Variants in PRR11 observed in about 807,000 individuals in gnomAD.
PRR11 encodes proline rich 11.
PRR11 carries 30 observed loss-of-function variants against 45.6 expected under a neutral mutation model. That is an observed-to-expected ratio of 0.66 (90% CI 0.49 to 0.89). The LOEUF is 0.89. Among genes scored for constraint, PRR11 ranks in the 40% least tolerant of loss-of-function variants. The pLI is 0.00. For missense variants in PRR11, 373 were observed against 424.8 expected (o/e 0.88, Z 1.07); for synonymous variants, 128 against 153.5 (o/e 0.83, Z 1.23).
chr17:59,180,520 T>TTTTTTTTTG lies in PRR11; in HGVS notation c.129-4527_129-4526insTGTTTTTTT, dbSNP rs1436744341. Among the ~76,000 whole-genome samples, 22 of 87,120 alleles carry TTTTTTTTTG rather than the reference T, an allele frequency of 2.5e-4. No homozygotes were observed. The East Asian group carries it at 9.2e-3, about 37-fold the overall frequency. The allele number at this position is 87,120 out of a possible 152,430, so 57.2% of individuals were successfully genotyped here. A position where few individuals can be genotyped will look rare whatever the true frequency, so the allele number is the denominator to read the frequency against. ...TGTTTTTTTTTTTTTGTTTTTTTTG[T>TTTTTTTTTG]TTTTTTTGCCACAGGGTCTCAGTCT... is the stretch of plus-strand genomic sequence containing the variant. On this transcript the variant is annotated intron_variant, in intron 2 of 9. Coordinates refer to ENST00000262293, the MANE Select transcript of PRR11 (RefSeq NM_018304.4).
intron 2 of PRR11, among the ~76,000 whole-genome samples, chr17:59,177,899 GGAGGCT>G (rs1237142819): frequency 6.6e-6 from 1 of 152,136 alleles, no homozygotes; most frequent in African/African-American, 2.4e-5. Flanking sequence ...CAACTGCTCA[GGAGGCT>G]GAGGCAGGAT....
intron 9 of PRR11, among the ~76,000 whole-genome samples, chr17:59,199,092 A>G (rs1469906951): frequency 6.6e-6 from 1 of 152,172 alleles, no homozygotes; most frequent in Non-Finnish European, 1.5e-5. Context: ...ACATGGCAGT[A>G]TGTGCTATGA....
At chr17:59,201,435 G>A in intron 9 of PRR11, 128 bp from the exon 10 acceptor site, 4 of 894,654 alleles carry the variant, frequency 4.5e-6, no homozygotes, top group Non-Finnish European at 7.0e-6. Context: ...GGGAAACTGG[G>A]AAAAGTGGTT....
At chr17:59,193,145 A>G (rs1057016106) in intron 4 of PRR11, among the ~76,000 whole-genome samples, 19 of 152,280 alleles carry the variant, frequency 1.2e-4, no homozygotes, top group African/African-American at 4.3e-4. Flanking sequence ...TCCTGGGCTC[A>G]AGCAATTCGC....
Position 59,193,847 on chromosome 17 carries a change from G to A in PRR11, c.645+113G>A. ...GGCTAATCAGGGCTTGGGCCAGAAG[G>A]CTATATTTTGTTCTGATTCCGTATC... On this transcript the variant is annotated intron_variant, in intron 5 of 9. Coordinates refer to ENST00000262293, the MANE Select transcript of PRR11 (RefSeq NM_018304.4). 3 of 1,263,430 alleles carry A rather than the reference G, an allele frequency of 2.4e-6. No individual in the cohort carries two copies. The South Asian group carries it at 4.4e-5, about 18-fold the overall frequency. 78.3% of individuals were successfully genotyped at this position (1,263,430 alleles called of 1,614,324 possible).
At chr17:59,175,646 G>A (rs1476463087) in intron 2 of PRR11, among the ~76,000 whole-genome samples, 2 of 152,188 alleles carry the variant, frequency 1.3e-5, no homozygotes, top group Admixed American at 6.5e-5. Context: ...AGAGGCTGAG[G>A]CACAAGAATT....
At chr17:59,193,263 G>A (rs1406229982) in intron 4 of PRR11, among the ~76,000 whole-genome samples, 2 of 152,048 alleles carry the variant, frequency 1.3e-5, no homozygotes, top group East Asian at 3.9e-4. Context: ...AGCTCCATGA[G>A]GTGACACACA....
intron 1 of PRR11, among the ~76,000 whole-genome samples, chr17:59,162,488 A>G (rs2046658361): frequency 1.3e-5 from 2 of 152,160 alleles, no homozygotes; most frequent in South Asian, 2.1e-4. Context: ...ATACAATACA[A>G]GCCTTATTAG....
chr17:59,177,269 G>C (rs2046752898), intron 2 of PRR11: 1 of 547,672 alleles, frequency 1.8e-6, no homozygotes, highest in Non-Finnish European at 3.7e-6. Flanking sequence ...TGGAGAGAAA[G>C]GAACACAGAA....
At chr17:59,168,134 T>C (rs1273742534) in intron 1 of PRR11, among the ~76,000 whole-genome samples, 1 of 151,536 alleles carries the variant, frequency 6.6e-6, no homozygotes, top group African/African-American at 2.4e-5. Context: ...TCTGTTCTAC[T>C]AGGTAATGTT....
chr17:59,193,907 G>A (rs2046851714), intron 5 of PRR11, among the ~76,000 whole-genome samples, 173 bp downstream of exon 5: 1 of 152,172 alleles, frequency 6.6e-6, no homozygotes, highest in South Asian at 2.1e-4. Flanking sequence ...CAGTTCCTGA[G>A]AAATTCCTAG....
At chr17:59,190,132 A>C (rs2046834235) in intron 4 of PRR11, among the ~76,000 whole-genome samples, 1 of 152,164 alleles carries the variant, frequency 6.6e-6, no homozygotes, top group Non-Finnish European at 1.5e-5. Flanking sequence ...CTTATATTTT[A>C]ACCCCAAATC....
intron 1 of PRR11, among the ~76,000 whole-genome samples, chr17:59,156,232 G>A (rs1011307051): frequency 3.9e-5 from 6 of 152,074 alleles, no homozygotes; most frequent in African/African-American, 1.4e-4. Flanking sequence ...GTTTAAGTTG[G>A]TACATTTCTT....
chr17:59,198,457 T>C (rs2046877135), intron 9 of PRR11, among the ~76,000 whole-genome samples: 1 of 152,112 alleles, frequency 6.6e-6, no homozygotes, highest in Admixed American at 6.6e-5. Flanking sequence ...AGGTGAATCA[T>C]GAGCTCAGGA....
chr17:59,164,893 G>A (rs78091808), intron 1 of PRR11, among the ~76,000 whole-genome samples: 6 of 151,718 alleles, frequency 4.0e-5, no homozygotes, highest in Admixed American at 1.3e-4. Flanking sequence ...AAAAAAAAAG[G>A]TCCTGACCAT....
At chr17:59,176,091 G>A (rs1313828808) in intron 2 of PRR11, among the ~76,000 whole-genome samples, 1 of 152,148 alleles carries the variant, frequency 6.6e-6, no homozygotes, top group African/African-American at 2.4e-5. Flanking sequence ...CATCACAGAG[G>A]CTATGGGGTG....
chr17:59,180,510 G>GTTTGTTTTTT (rs2046777492), intron 2 of PRR11, among the ~76,000 whole-genome samples: 2 of 108,634 alleles, frequency 1.8e-5, no homozygotes, highest in African/African-American at 8.9e-5. Context: ...TTTTTTTTTT[G>GTTTGTTTTTT]TTTTTTTTGT....
At chr17:59,175,853 A>G (rs890181006) in intron 2 of PRR11, among the ~76,000 whole-genome samples, 1 of 152,186 alleles carries the variant, frequency 6.6e-6, no homozygotes, top group Non-Finnish European at 1.5e-5. Flanking sequence ...GGCTGCAGTG[A>G]GCTATGATCT....
intron 1 of PRR11, among the ~76,000 whole-genome samples, chr17:59,168,109 A>G (rs2046688539): frequency 6.6e-6 from 1 of 151,364 alleles, no homozygotes; most frequent in Admixed American, 6.6e-5. Context: ...GAAAGATACT[A>G]TCCCTCTAGT....
Sources: allele counts gnomAD v4.1 joint callset (sites outside exome capture counted in the v4.1 genomes callset), GRCh38; gene constraint gnomAD v4.1.1; transcripts MANE v1.5; gene names NCBI Gene and HGNC (gene_info 2026-07-23, HGNC 2026-07-21).